The following SRBD1 variants were observed in gnomAD, a reference collection of about 807,000 sequenced individuals.
SRBD1 encodes S1 RNA-binding domain-containing protein 1.
A neutral mutation model predicts 115.3 loss-of-function variants in SRBD1; 88 were observed. The ratio of observed to expected loss-of-function variants is 0.76; its 90% CI spans 0.64 to 0.91. The LOEUF (loss-of-function observed/expected upper bound fraction) is 0.91, where lower values mean the gene tolerates loss of function less well. Among genes scored for constraint, SRBD1 ranks in the 40% least tolerant of loss-of-function variants. SRBD1 has a pLI of 0.00. For missense variants in SRBD1, 1,385 were observed against 1,177.4 expected (o/e 1.18, Z -2.58); for synonymous variants, 509 against 407.7 (o/e 1.25, Z -2.99).
chr2:45,602,880 C>T (rs1283644959), intron 2 of SRBD1, among the ~76,000 whole-genome samples: 1 of 152,150 alleles, frequency 6.6e-6, no homozygotes, highest in Non-Finnish European at 1.5e-5. Context: ...AAAAACCTGA[C>T]TGGATGACTT....
chr2:45,537,723 A>G (rs943605438), intron 14 of SRBD1, among the ~76,000 whole-genome samples: 2 of 152,182 alleles, frequency 1.3e-5, no homozygotes, highest in Admixed American at 6.5e-5. Context: ...CATTTCACAT[A>G]GAAGAATATC....
At chr2:45,541,806 G>A (rs1191280934) in intron 14 of SRBD1, among the ~76,000 whole-genome samples, 1 of 152,248 alleles carries the variant, frequency 6.6e-6, no homozygotes, top group Non-Finnish European at 1.5e-5. Context: ...ATAGCTGGTA[G>A]TCCCAACATT....
At chr2:45,535,003 T>C (rs1671724036) in intron 14 of SRBD1, among the ~76,000 whole-genome samples, 1 of 151,974 alleles carries the variant, frequency 6.6e-6, no homozygotes, top group African/African-American at 2.4e-5. Flanking sequence ...AATGTATCCT[T>C]ATTAAAATTC....
In SRBD1 at chr2:45,418,462, C is replaced by G; in HGVS notation, c.2236G>C (p.Glu746Gln). 6.2e-7 allele frequency: 1 copy of G among 1,613,624 alleles called. No individual in the cohort carries two copies. The highest frequency in any genetic ancestry group is 8.5e-7 in the Non-Finnish European group (1 of 1,179,944). ...AGCCCTTTCACTTTCTTCAGCTGTT[C>G]TCGGTTGATAAAGGGTCCATTTTTC... The part of the protein sequence containing the change: ...REKNGPFINR[E>Q]QLKKVKGLGP... The change falls in exon 18 of 21, where the codon GAA (glutamate) becomes CAA (glutamine). Residue 746 changes from glutamate to glutamine, a missense_variant. Glu to Gln is a conservative substitution (Grantham distance 29, BLOSUM62 2). Transcript: ENST00000263736.
chr2:45,439,378 T>TAA (rs1491310259), intron 16 of SRBD1, among the ~76,000 whole-genome samples: 7 of 142,298 alleles, frequency 4.9e-5, no homozygotes, highest in South Asian at 2.2e-4. Context: ...TATATATATA[T>TAA]AAAACAATTG....
intron 14 of SRBD1, among the ~76,000 whole-genome samples, chr2:45,544,227 C>G (rs771914611): frequency 8.1e-6 from 1 of 123,236 alleles, no homozygotes; most frequent in East Asian, 2.1e-4. Flanking sequence ...AGCAAGACTC[C>G]GGCTCAAAAA....
chr2:45,531,365 G>T (rs1014383365), intron 14 of SRBD1, among the ~76,000 whole-genome samples: 1 of 151,576 alleles, frequency 6.6e-6, no homozygotes, highest in Non-Finnish European at 1.5e-5. Flanking sequence ...ACGTAAAAAC[G>T]CACATTAAAA....
At chr2:45,578,931 T>C (rs1673261009) in intron 7 of SRBD1, among the ~76,000 whole-genome samples, 1 of 152,210 alleles carries the variant, frequency 6.6e-6, no homozygotes, top group South Asian at 2.1e-4. Flanking sequence ...TTGACTATAA[T>C]ACTCACTTCA....
chr2:45,589,667 G>A (rs1673653806), intron 4 of SRBD1, among the ~76,000 whole-genome samples: 1 of 152,194 alleles, frequency 6.6e-6, no homozygotes. Context: ...AGTGTACAGT[G>A]CTGCTTATGC....
chr2:45,424,306 A>G (rs1668090014), intron 16 of SRBD1, among the ~76,000 whole-genome samples: 1 of 152,150 alleles, frequency 6.6e-6, no homozygotes, highest in South Asian at 2.1e-4. Context: ...ATCCCCTCCT[A>G]CTAAGTACAG....
In SRBD1 at chr2:45,580,009, G is replaced by A. The variant is rs777350207; in HGVS notation, c.938C>T (p.Ala313Val). The part of the protein sequence containing the change: ...KTFEELEHVS[A>V]PYKTGSKGTK... ...CCCTTTGCTTCCAGTTTTATATGGA[G>A]CAGACTAGAAAATAAAGACAGAAAA... The change falls in exon 7 of 21, where the codon GCT becomes GTT. Residue 313 changes from alanine (A) to valine (V), a missense_variant. Physicochemically the swap from Ala to Val is moderately conservative, Grantham distance 64 (BLOSUM62 0). Transcript: ENST00000263736. 2 of 1,542,592 alleles carry A rather than the reference G, an allele frequency of 1.3e-6. No homozygotes were observed. Among genetic ancestry groups the A allele is most frequent in the South Asian group, 1.2e-5 (1 of 80,526 alleles).
chr2:45,403,207 A>G (rs907780979), intron 19 of SRBD1, among the ~76,000 whole-genome samples: 1 of 152,172 alleles, frequency 6.6e-6, no homozygotes. Context: ...TCAATCCACA[A>G]GAGATTCTGG....
chr2:45,398,451 C>A (rs1667207239), intron 19 of SRBD1, among the ~76,000 whole-genome samples: 1 of 152,108 alleles, frequency 6.6e-6, no homozygotes, highest in Non-Finnish European at 1.5e-5. Flanking sequence ...GTATTATAAG[C>A]ATCAGACTGT....
chr2:45,536,022 C>T (rs577937434), intron 14 of SRBD1, among the ~76,000 whole-genome samples: 90 of 152,018 alleles, frequency 5.9e-4, no homozygotes, highest in South Asian at 6.2e-4. Flanking sequence ...TTGTAAAATC[C>T]ACACCTGGCA....
chr2:45,423,864 TTCAG>T (rs1668077272), intron 16 of SRBD1, among the ~76,000 whole-genome samples: 1 of 152,162 alleles, frequency 6.6e-6, no homozygotes, highest in South Asian at 2.1e-4. Context: ...ATATAATGTA[TTCAG>T]TATGTATGAA....
chr2:45,423,554 A>G (rs1668067408), intron 16 of SRBD1, among the ~76,000 whole-genome samples: 1 of 152,146 alleles, frequency 6.6e-6, no homozygotes, highest in South Asian at 2.1e-4. Context: ...GTCAATAAGT[A>G]ATCAAAACTC....
Position 45,584,537 on chromosome 2 carries a change from G to C in SRBD1, c.815+1071C>G, listed in dbSNP as rs544246888. Among the ~76,000 whole-genome samples, 9 of 152,288 alleles carry C rather than the reference G, an allele frequency of 5.9e-5. No individual in the cohort carries two copies. The East Asian group carries it at 1.7e-3, about 29-fold the overall frequency. On this transcript the variant is annotated intron_variant, in intron 5 of 20. Coordinates refer to ENST00000263736, the MANE Select transcript of SRBD1 (RefSeq NM_018079.5). ...AAATAACAGAAAGCTTGTCAAGCTT[G>C]TTATAAAAATTACCCTTAATACTTT... is the stretch of plus-strand genomic sequence containing the variant.
chr2:45,410,115 A>G (rs979458290), intron 19 of SRBD1, among the ~76,000 whole-genome samples: 4 of 152,238 alleles, frequency 2.6e-5, no homozygotes, highest in Admixed American at 2.6e-4. Flanking sequence ...AATATTTCAC[A>G]AAGAAGATAT....
At chr2:45,404,119 C>T (rs1307001252) in intron 19 of SRBD1, among the ~76,000 whole-genome samples, 1 of 152,066 alleles carries the variant, frequency 6.6e-6, no homozygotes, top group African/African-American at 2.4e-5. Flanking sequence ...GGAGAAAGAT[C>T]TCATTTCCAG....
Sources: allele counts gnomAD v4.1 joint callset (sites outside exome capture counted in the v4.1 genomes callset), GRCh38; gene constraint gnomAD v4.1.1; transcripts MANE v1.5; gene names NCBI Gene and HGNC (gene_info 2026-07-23, HGNC 2026-07-21).